DNAH8: variants seen among roughly 807,000 people sequenced by gnomAD.
DNAH8 encodes the protein dynein axonemal heavy chain 8.
In DNAH8, 382 loss-of-function variants were observed where a neutral mutation model predicts 562.1. The ratio of observed to expected loss-of-function variants is 0.68; its 90% CI spans 0.63 to 0.74. The LOEUF (loss-of-function observed/expected upper bound fraction) is 0.74, where lower values mean the gene tolerates loss of function less well. Among genes scored for constraint, DNAH8 ranks in the 30% least tolerant of loss-of-function variants. The pLI is 0.00. For synonymous variants in DNAH8, 1,881 were observed against 1,919.4 expected (o/e 0.98, Z 0.52); for missense variants, 5,203 against 5,620.4 (o/e 0.93, Z 2.37).
intron 52 of DNAH8, among the ~76,000 whole-genome samples, chr6:38,874,047 TTTC>T (rs1777715128): frequency 6.9e-5 from 2 of 29,092 alleles, no homozygotes; most frequent in Non-Finnish European, 1.3e-4. Context: ...CTTTTCTTTC[TTTC>T]TTTCTTTCTT....
chr6:38,819,873 G>A (rs576492592), intron 26 of DNAH8, among the ~76,000 whole-genome samples: 6 of 151,998 alleles, frequency 3.9e-5, no homozygotes, highest in African/African-American at 1.4e-4. Context: ...TTTTTTATTA[G>A]CCACAAACCA....
chr6:38,885,195 A>G (rs1778829762), intron 56 of DNAH8, among the ~76,000 whole-genome samples: 1 of 152,162 alleles, frequency 6.6e-6, no homozygotes, highest in Admixed American at 6.5e-5. Context: ...GAACTCACGT[A>G]TCCAACTAGG....
At chr6:38,766,139 A>ATGTGTGTGTGTGTGTGTGTG (rs145206381) in intron 11 of DNAH8, among the ~76,000 whole-genome samples, 189 of 151,000 alleles carry the variant, frequency 1.3e-3, no homozygotes, top group African/African-American at 4.4e-3. Context: ...ATGTGTTTGT[A>ATGTGTGTGTGTGTGTGTGTG]TGTGTGTGTG....
intron 89 of DNAH8, among the ~76,000 whole-genome samples, chr6:39,010,820 C>CACACACGTATGTAT (rs1554163118): frequency 1.8e-4 from 24 of 132,754 alleles, no homozygotes; most frequent in African/African-American, 6.9e-4. Context: ...CACACACACA[C>CACACACGTATGTAT]GTATGTATGT....
At chr6:38,861,653 T>A (rs1776627997) in intron 43 of DNAH8, among the ~76,000 whole-genome samples, 1 of 152,124 alleles carries the variant, frequency 6.6e-6, no homozygotes, top group African/African-American at 2.4e-5. Context: ...CACCTCTACC[T>A]CACAAGTAGC....
At chr6:38,877,773 C>T (rs4380740) in intron 53 of DNAH8, among the ~76,000 whole-genome samples, 5 of 151,496 alleles carry the variant, frequency 3.3e-5, no homozygotes, top group Non-Finnish European at 5.9e-5. Flanking sequence ...ATGCTTCCAG[C>T]GAAGATGGAG....
chr6:38,805,407 G>A (rs1771175912), intron 22 of DNAH8, 74 bp from the exon 23 acceptor site: 2 of 882,144 alleles, frequency 2.3e-6, no homozygotes, highest in Admixed American at 2.2e-5. Context: ...CTTCCTAAGA[G>A]GATTTGGCCA....
chr6:38,873,768 A>ACACACACC (rs1393077666), intron 52 of DNAH8, among the ~76,000 whole-genome samples: 5 of 51,218 alleles, frequency 9.8e-5, no homozygotes, highest in African/African-American at 3.2e-4. Context: ...ACACACACAC[A>ACACACACC]CCCCTGCACT....
rs767291634 is a variant in DNAH8, at chr6:39,008,871, A to G, written c.13272A>G (p.Lys4424=). The part of the protein sequence containing the change: ...VLETITNIQP[K]ESGGGVGETR... ...AAACAATTACCAACATTCAACCCAA[A>G]GAGAGTGGAGGTGGTGTGGGAGAGA... The change falls in exon 89 of 93, where the codon AAA becomes AAG. Residue 4424 remains lysine, a synonymous_variant. Transcript: ENST00000327475. 1.9e-6 allele frequency: 3 copies of G among 1,606,854 alleles called. No homozygotes were observed. The highest frequency in any genetic ancestry group is 1.1e-5 in the South Asian group (1 of 90,868).
At chr6:38,900,059 A>C (rs1779975464) in intron 62 of DNAH8, among the ~76,000 whole-genome samples, 153 bp downstream of exon 62, 1 of 152,214 alleles carries the variant, frequency 6.6e-6, no homozygotes, top group Non-Finnish European at 1.5e-5. Context: ...AAGTGTCACA[A>C]AGTAAATACA....
intron 76 of DNAH8, among the ~76,000 whole-genome samples, chr6:38,934,553 C>T (rs1782804466): frequency 6.6e-6 from 1 of 151,994 alleles, no homozygotes; most frequent in South Asian, 2.1e-4. Flanking sequence ...TTTAAAACAC[C>T]TTCTTTTAAC....
chr6:38,726,851 GTTTTTTTTTTT>G (rs58557655), intron 3 of DNAH8, among the ~76,000 whole-genome samples: 2 of 63,264 alleles, frequency 3.2e-5, no homozygotes, highest in Admixed American at 1.9e-4. Flanking sequence ...GTATTCTTTA[GTTTTTTTTTTT>G]TTTTTTTTTT....
chr6:38,872,834 C>T, intron 50 of DNAH8, 52 bp downstream of exon 50: 1 of 1,608,204 alleles, frequency 6.2e-7, no homozygotes, highest in Non-Finnish European at 8.5e-7. Context: ...CGTATTAACA[C>T]AGTATTTTTT....
chr6:38,853,198 G>A lies in DNAH8; in HGVS notation c.5584G>A (p.Val1862Ile), dbSNP rs748486865. Reference protein sequence around the residue: ...EGEKIVLDNSVMAKGPVEIWL... With the variant: ...EGEKIVLDNSIMAKGPVEIWL... ...AATTTTGTTTTAGTTGGATAATTCTGTTATGGCCAAAGGTCCTGTGGAGAT... is the reference window on the plus strand; with the variant it reads ...AATTTTGTTTTAGTTGGATAATTCTATTATGGCCAAAGGTCCTGTGGAGAT... The change falls in exon 41 of 93, where the codon GTT becomes ATT. Residue 1862 changes from valine (V) to isoleucine (I), a missense_variant. Val to Ile is a conservative substitution (Grantham distance 29, BLOSUM62 3). Transcript: ENST00000327475. 2 of 1,603,470 alleles carry A rather than the reference G, an allele frequency of 1.2e-6. No individual in the cohort carries two copies. The highest frequency in any genetic ancestry group is 2.2e-5 in the East Asian group (1 of 44,710).
chr6:39,005,654 T>C (rs1195779950), intron 88 of DNAH8, among the ~76,000 whole-genome samples: 4 of 152,230 alleles, frequency 2.6e-5, no homozygotes, highest in African/African-American at 9.6e-5. Flanking sequence ...TGATGAAACG[T>C]TTATTCAAAT....
chr6:38,910,546 A>G (rs969096408), intron 65 of DNAH8, among the ~76,000 whole-genome samples: 7 of 152,232 alleles, frequency 4.6e-5, no homozygotes, highest in African/African-American at 1.7e-4. Flanking sequence ...GAATCAGTGT[A>G]TACTAATTCT....
chr6:38,789,929 T>A, intron 19 of DNAH8, 46 bp downstream of exon 19: 2 of 1,444,114 alleles, frequency 1.4e-6, no homozygotes, highest in Non-Finnish European at 1.9e-6. Context: ...TTATTTAAAA[T>A]TAGATTTCGG....
In DNAH8 at chr6:39,026,601, G is replaced by A. The variant is rs891689910; in HGVS notation, c.13770G>A (p.Leu4590=). The A allele has an allele frequency of 6.2e-7, 1 of 1,613,462 alleles. No homozygotes were observed. The highest frequency in any genetic ancestry group is 8.5e-7 in the Non-Finnish European group (1 of 1,179,828). The change falls in exon 92 of 93, where the codon CTG becomes CTA. Residue 4590 remains leucine, a synonymous_variant. Coordinates refer to ENST00000327475, the MANE Select transcript of DNAH8 (RefSeq NM_001206927.2). ...EVTRAHKGWA[L]DTVTIHNEVL... ...CCCGTGCCCACAAAGGCTGGGCACTGGACACTGTGACCATCCACAATGAAG... is the reference window on the plus strand; with the variant it reads ...CCCGTGCCCACAAAGGCTGGGCACTAGACACTGTGACCATCCACAATGAAG...
intron 79 of DNAH8, among the ~76,000 whole-genome samples, chr6:38,942,309 C>T (rs1451251006): frequency 6.6e-6 from 1 of 152,066 alleles, no homozygotes; most frequent in Non-Finnish European, 1.5e-5. Flanking sequence ...CTAATATGAC[C>T]CCTGAGAAGG....
Sources: allele counts gnomAD v4.1 joint callset (sites outside exome capture counted in the v4.1 genomes callset), GRCh38; gene constraint gnomAD v4.1.1; transcripts MANE v1.5; gene names NCBI Gene and HGNC (gene_info 2026-07-23, HGNC 2026-07-21).